RUSC1: variants seen among roughly 807,000 people sequenced by gnomAD.
RUSC1 encodes the protein AP-4 complex accessory subunit RUSC1.
RUSC1 carries 40 observed loss-of-function variants against 72.1 expected under a neutral mutation model. The observed-to-expected ratio is 0.55, with a 90% CI of 0.43 to 0.72. RUSC1 has a LOEUF of 0.72. Among genes scored for constraint, RUSC1 ranks in the 30% least tolerant of loss-of-function variants. The pLI is 0.00. For missense variants in RUSC1, 1,092 were observed against 1,172.3 expected (o/e 0.93, Z 1.00); for synonymous variants, 512 against 494.2 (o/e 1.04, Z -0.48).
At chr1:155,329,189 G>A (rs974962568) in intron 9 of RUSC1, among the ~76,000 whole-genome samples, 1 of 151,378 alleles carries the variant, frequency 6.6e-6, no homozygotes, top group Non-Finnish European at 1.5e-5. Flanking sequence ...GGGCTCAAGT[G>A]ATTCTCCTGC....
chr1:155,326,079 A>G lies in RUSC1; in HGVS notation c.1861+169A>G, dbSNP rs1651369062. 8 of 729,504 alleles carry G rather than the reference A, an allele frequency of 1.1e-5. No individual in the cohort carries two copies. The highest frequency in any genetic ancestry group is 1.8e-5 in the Non-Finnish European group (8 of 437,796). The allele number at this position is 729,504 out of a possible 1,614,324, so 45.2% of individuals were successfully genotyped here. On this transcript the variant is annotated intron_variant, in intron 7 of 9. Coordinates refer to ENST00000368352, the MANE Select transcript of RUSC1 (RefSeq NM_001105203.2). This position sits in a 1 kb window ranked among gnomAD's most constrained non-coding sequence, Gnocchi z 4.7. ...AAGGAGGCCCATCGCCCATAGGATG[A>G]AAGACCCAAAGCCTTGGCTGTCTGG... is the stretch of plus-strand genomic sequence containing the variant.
Position 155,326,649 on chromosome 1 carries a change from C to G in RUSC1, c.1931C>G (p.Ser644Cys), listed in dbSNP as rs111746182. The G allele has an allele frequency of 2.8e-4, 450 of 1,613,986 alleles. 3 individuals are homozygous for G. In the African/African-American group the frequency reaches 4.5e-3, roughly 16 times the overall value. The stretch of plus-strand genomic sequence containing the variant: ...GCCCGCGGTGGTTGTCCCTCCCTGT[C>G]CACAGAGCTGCTGCTCCTGCTGCAG... ...SLARGGCPSL[S>C]TELLLLLQPL... Residue 644 changes from serine (S) to cysteine (C), a missense_variant, in exon 8 of 10, where the codon TCC becomes TGC. Physicochemically the swap from Ser to Cys is moderately radical, Grantham distance 112. Coordinates refer to ENST00000368352, the MANE Select transcript of RUSC1 (RefSeq NM_001105203.2). The surrounding 1 kb of genome is among the most constrained non-coding windows in gnomAD (Gnocchi z 4.7).
At position 155,322,190 on chromosome 1, in the gene RUSC1, C is replaced by T. The variant is rs750153425; in HGVS notation, c.417C>T (p.Ile139=). The T allele has an allele frequency of 8.7e-6, 14 of 1,606,142 alleles. No homozygotes were observed. The highest frequency in any genetic ancestry group is 1.1e-5 in the Non-Finnish European group (13 of 1,175,150). Residue 139 remains isoleucine, a synonymous_variant, in exon 2 of 10, where the codon ATC becomes ATT. Transcript: ENST00000368352. Reference sequence around the variant, plus strand: ...ATGCCCACCCTCAGCCCAGTATCATCCCCCTGGAGCAGGGCTCCCCACTGG... The same window carrying T: ...ATGCCCACCCTCAGCCCAGTATCATTCCCCTGGAGCAGGGCTCCCCACTGG... ...DEDAHPQPSI[I]PLEQGSPLAS...
Position 155,323,038 on chromosome 1 carries a change from A to G in RUSC1, c.1265A>G (p.Glu422Gly). The G allele has an allele frequency of 7.4e-7, 1 of 1,345,824 alleles. No individual in the cohort carries two copies. Among genetic ancestry groups the G allele is most frequent in the Non-Finnish European group, 9.6e-7 (1 of 1,039,324 alleles). The allele number at this position is 1,345,824 out of a possible 1,614,324, so 83.4% of individuals were successfully genotyped here. A position where few individuals can be genotyped will look rare whatever the true frequency, so the allele number is the denominator to read the frequency against. The change falls in exon 2 of 10, where the codon GAG becomes GGG. Residue 422 changes from glutamate to glycine, a missense_variant. Glu to Gly is a moderately conservative substitution (Grantham distance 98). Coordinates refer to ENST00000368352, the MANE Select transcript of RUSC1 (RefSeq NM_001105203.2). ...KNRPGLQPIA[E>G]GQSEEGRAVS... ...CGACCTGGACTGCAGCCCATAGCGG[A>G]GGGGCAGTCCGAGGAGGGCCGGGCT...
Position 155,322,068 on chromosome 1 carries a change from G to T in RUSC1, c.295G>T (p.Asp99Tyr). The T allele has an allele frequency of 6.2e-7, 1 of 1,613,906 alleles. No homozygotes were observed. The highest frequency in any genetic ancestry group is 8.5e-7 in the Non-Finnish European group (1 of 1,179,842). Residue 99 changes from aspartate (D) to tyrosine (Y), a missense_variant, in exon 2 of 10, where the codon GAC becomes TAC. Asp to Tyr is a radical substitution (Grantham distance 160, BLOSUM62 -3). Transcript: ENST00000368352. ...GGAAGAGGGGGCTGCCTCTCCCTCA[G>T]ACCCAGGCTGCTCCTCCTCACTCAG... ...QEEEGAASPS[D>Y]PGCSSSLSSC...
In RUSC1 at chr1:155,325,642, G is replaced by A; in HGVS notation, c.1784G>A (p.Arg595His). Reference sequence around the variant, plus strand: ...GCCCCGCTGAGCAGCAGCCGTAGCCGCTTCCATGCCTTTATCCTGGGCCTC... The same window carrying A: ...GCCCCGCTGAGCAGCAGCCGTAGCCACTTCCATGCCTTTATCCTGGGCCTC... ...RLAPLSSSRS[R>H]FHAFILGLLN... The change falls in exon 6 of 10, where the codon CGC (arginine) becomes CAC (histidine). Residue 595 changes from arginine (R) to histidine (H), a missense_variant. Transcript: ENST00000368352. The surrounding 1 kb of genome is among the most constrained non-coding windows in gnomAD (Gnocchi z 6.5). The A allele has an allele frequency of 1.9e-6, 3 of 1,613,638 alleles. No individual in the cohort carries two copies. The highest frequency in any genetic ancestry group is 2.5e-6 in the Non-Finnish European group (3 of 1,179,998).
chr1:155,327,227 A>C (rs1036028806), intron 8 of RUSC1, 95 bp downstream of exon 8: 1 of 1,295,734 alleles, frequency 7.7e-7, no homozygotes, highest in African/African-American at 1.5e-5. Flanking sequence ...CCTTTAGGGC[A>C]GAGATTGGCG....
chr1:155,327,210 T>C, intron 8 of RUSC1, 78 bp downstream of exon 8: 10 of 1,404,430 alleles, frequency 7.1e-6, no homozygotes, highest in Non-Finnish European at 9.6e-6. Context: ...AACTCTCTAG[T>C]GATGATCCTT....
chr1:155,327,160 AC>A, intron 8 of RUSC1, 28 bp downstream of exon 8: 2 of 1,556,782 alleles, frequency 1.3e-6, no homozygotes, highest in Non-Finnish European at 1.7e-6. Context: ...CCTTTCTATG[AC>A]CTTCTGACTC....
Position 155,322,849 on chromosome 1 carries a change from G to A in RUSC1, c.1076G>A (p.Gly359Asp), listed in dbSNP as rs757984199. The A allele has an allele frequency of 6.2e-7, 1 of 1,613,248 alleles. No individual in the cohort carries two copies. Among genetic ancestry groups the A allele is most frequent in the Non-Finnish European group, 8.5e-7 (1 of 1,179,816 alleles). The change falls in exon 2 of 10, where the codon GGC becomes GAC. Residue 359 changes from glycine (G) to aspartate (D), a missense_variant. Coordinates refer to ENST00000368352, the MANE Select transcript of RUSC1 (RefSeq NM_001105203.2). ...GAGCTCCCCCCCTCGGGGTCGCCGG[G>A]CGGCTCCTCGGCACCTCCTCGGGAA... is the stretch of plus-strand genomic sequence containing the variant. ...DTELPPSGSP[G>D]GSSAPPREVT...
chr1:155,321,151 G>A (rs754775212), intron 1 of RUSC1, 160 bp downstream of exon 1: 3 of 1,376,934 alleles, frequency 2.2e-6, no homozygotes, highest in Non-Finnish European at 2.9e-6. Flanking sequence ...TCCGAGGGGC[G>A]AGGGCGCAGG....
chr1:155,329,361 C>T lies in RUSC1; in HGVS notation c.2541-1042C>T, dbSNP rs898281634. The stretch of plus-strand genomic sequence containing the variant: ...TTGGCCTCCCAAAGTGCTGGGATTA[C>T]AGGTGGGAGCCACTACACCTGGCTA... On this transcript the variant is annotated intron_variant, in intron 9 of 9. Transcript: ENST00000368352. Among the ~76,000 whole-genome samples the T allele has an allele frequency of 2.7e-5, 4 of 147,680 alleles. 1 individual carries two copies. Among genetic ancestry groups the T allele is most frequent in the African/African-American group, 1.0e-4 (4 of 39,820 alleles).
chr1:155,323,838 C>T (rs1650916627), intron 2 of RUSC1: 1 of 854,110 alleles, frequency 1.2e-6, no homozygotes, highest in African/African-American at 1.8e-5. Context: ...GCTAGCCCCG[C>T]GGGCCACGCC....
At chr1:155,328,800 A>G (rs1024486684) in intron 9 of RUSC1, among the ~76,000 whole-genome samples, 5 of 151,940 alleles carry the variant, frequency 3.3e-5, no homozygotes, top group Non-Finnish European at 5.9e-5. Flanking sequence ...GGGTTTCACC[A>G]TGTTCGCCGG....
At position 155,321,777 on chromosome 1, in the gene RUSC1, C is replaced by T; in HGVS notation, c.4C>T (p.Leu2=). 3 of 1,614,024 alleles carry T rather than the reference C, an allele frequency of 1.9e-6. No homozygotes were observed. The highest frequency in any genetic ancestry group is 3.3e-4 in the Middle Eastern group (2 of 6,062). M[L]SPQRALLCNL... ...CCATCCCATCGCCGCTAGCATCATG[C>T]TGTCCCCTCAGAGAGCTTTACTCTG... Residue 2 remains leucine (L), a synonymous_variant, in exon 2 of 10, where the codon CTG becomes TTG. Coordinates refer to ENST00000368352, the MANE Select transcript of RUSC1 (RefSeq NM_001105203.2).
Position 155,325,900 on chromosome 1 carries a change from G to A in RUSC1, c.1851G>A (p.Gln617=). Residue 617 remains glutamine (Q), a synonymous_variant, in exon 7 of 10, where the codon CAG becomes CAA. Coordinates refer to ENST00000368352, the MANE Select transcript of RUSC1 (RefSeq NM_001105203.2). This position sits in a 1 kb window ranked among gnomAD's most constrained non-coding sequence, Gnocchi z 6.5. ...TGGAGCTGTGGTTTTCCAGTCTCCA[G>A]GAAGATGCAGGTCAGAGGTTCAGAT... ...KQLELWFSSL[Q]EDAGLLSLLY... The A allele has an allele frequency of 6.2e-7, 1 of 1,614,190 alleles. No individual in the cohort carries two copies. The highest frequency in any genetic ancestry group is 8.5e-7 in the Non-Finnish European group (1 of 1,180,016).
At chr1:155,329,149 T>C (rs1337945135) in intron 9 of RUSC1, among the ~76,000 whole-genome samples, 1 of 152,134 alleles carries the variant, frequency 6.6e-6, no homozygotes, top group African/African-American at 2.4e-5. Context: ...TGTAGTGGCA[T>C]GATTTCGGCT....
At position 155,323,016 on chromosome 1, in the gene RUSC1, C is replaced by A; in HGVS notation, c.1243C>A (p.Pro415Thr). ...CCCTCCCCGAAGGAAGAAGAACCGA[C>A]CTGGACTGCAGCCCATAGCGGAGGG... ...PVPPRRKKNR[P>T]GLQPIAEGQS... is the part of the protein sequence containing the mutation. The change falls in exon 2 of 10, where the codon CCT becomes ACT. Residue 415 changes from proline (P) to threonine (T), a missense_variant. Physicochemically the swap from Pro to Thr is conservative, Grantham distance 38 (BLOSUM62 -1). Coordinates refer to ENST00000368352, the MANE Select transcript of RUSC1 (RefSeq NM_001105203.2). The A allele has an allele frequency of 1.3e-6, 2 of 1,497,800 alleles. No homozygotes were observed. The highest frequency in any genetic ancestry group is 1.8e-6 in the Non-Finnish European group (2 of 1,121,642). The allele number at this position is 1,497,800 out of a possible 1,614,324, so 92.8% of individuals were successfully genotyped here. A position where few individuals can be genotyped will look rare whatever the true frequency, so the allele number is the denominator to read the frequency against.
At chr1:155,330,114 G>C (rs552491909) in intron 9 of RUSC1, among the ~76,000 whole-genome samples, 3 of 152,210 alleles carry the variant, frequency 2.0e-5, no homozygotes, top group African/African-American at 7.2e-5. Flanking sequence ...GGCGACACGA[G>C]GAGGAACTGG....
Sources: allele counts gnomAD v4.1 joint callset (sites outside exome capture counted in the v4.1 genomes callset), GRCh38; gene constraint gnomAD v4.1.1; non-coding constraint Gnocchi (gnomAD v3.1); transcripts MANE v1.5; gene names NCBI Gene and HGNC (gene_info 2026-07-23, HGNC 2026-07-21).